The following ATP8A2 variants were observed in gnomAD, a reference collection of about 807,000 sequenced individuals.
The protein encoded by ATP8A2 is phospholipid-transporting ATPase IB.
Under a neutral mutation model 165.6 loss-of-function variants are expected in ATP8A2, and 100 were observed. The ratio of observed to expected loss-of-function variants is 0.60; its 90% CI spans 0.51 to 0.71. The LOEUF is 0.71. Among genes scored for constraint, ATP8A2 ranks in the 30% least tolerant of loss-of-function variants. The pLI is 0.00. For missense variants in ATP8A2, 1,227 were observed against 1,479.5 expected (o/e 0.83, Z 2.80); for synonymous variants, 543 against 548.8 (o/e 0.99, Z 0.15).
rs775553039 is a variant in ATP8A2 at position 25,554,356 on chromosome 13, G to A, written c.1185+436G>A. ...AGGACTGCCATGGCTCTTAAGTAGT[G>A]GACTTTAGCAGCCAGTATTTGTAGA... On this transcript the variant is annotated intron_variant, in intron 12 of 36. Coordinates refer to ENST00000381655, the MANE Select transcript of ATP8A2 (RefSeq NM_016529.6). Among the ~76,000 whole-genome samples the A allele has an allele frequency of 2.0e-5, 3 of 152,126 alleles. 1 individual carries two copies. The highest frequency in any genetic ancestry group is 2.0e-4 in the Admixed American group (3 of 15,278).
In ATP8A2 at chr13:25,372,859, A is replaced by T. The variant is rs2032472820; in HGVS notation, c.76+571A>T. 6.6e-6 allele frequency among the ~76,000 whole-genome samples: 1 copy of T among 152,114 alleles called. No individual in the cohort carries two copies. Among genetic ancestry groups the T allele is most frequent in the Non-Finnish European group, 1.5e-5 (1 of 68,028 alleles). On this transcript the variant is annotated intron_variant, in intron 1 of 36. Transcript: ENST00000381655. This position sits in a 1 kb window ranked among gnomAD's most constrained non-coding sequence, Gnocchi z 4.8. ...CGTGCATACAACCATCTGGAGACGAACACACACACGCACACGCGCGCGCAC... is the reference window on the plus strand; with the variant it reads ...CGTGCATACAACCATCTGGAGACGATCACACACACGCACACGCGCGCGCAC...
At chr13:25,412,379 C>T (rs17082234) in intron 1 of ATP8A2, among the ~76,000 whole-genome samples, 39,619 of 152,038 alleles carry the variant, frequency 0.26, 5,381 homozygotes, top group East Asian at 0.46. Context: ...GGACTGGAGG[C>T]TAAAGGGATT....
chr13:25,700,019 A>G (rs1289587850), intron 25 of ATP8A2, among the ~76,000 whole-genome samples: 1 of 152,152 alleles, frequency 6.6e-6, no homozygotes, highest in African/African-American at 2.4e-5. Flanking sequence ...TGGCTAGTGG[A>G]GCATCAGTAG....
chr13:25,983,293 G>A (rs1197777318), intron 35 of ATP8A2, among the ~76,000 whole-genome samples: 2 of 152,152 alleles, frequency 1.3e-5, no homozygotes, highest in Non-Finnish European at 2.9e-5. Flanking sequence ...AGAAAATGAA[G>A]TAACAACAGC....
chr13:25,883,414 A>G (rs1176664844), intron 33 of ATP8A2, among the ~76,000 whole-genome samples: 4 of 152,152 alleles, frequency 2.6e-5, no homozygotes, highest in Admixed American at 6.5e-5. Context: ...GTGAAACTCC[A>G]TCTCAAAAAA....
intron 24 of ATP8A2, among the ~76,000 whole-genome samples, chr13:25,651,327 C>T (rs1175200099): frequency 6.6e-6 from 1 of 151,946 alleles, no homozygotes; most frequent in Non-Finnish European, 1.5e-5. Context: ...CTTGTAGTCC[C>T]AGCTACTCGG....
chr13:25,560,700 C>CAA lies in ATP8A2; in HGVS notation c.1397+958_1397+959dup, dbSNP rs748751011. On this transcript the variant is annotated intron_variant, in intron 15 of 36. Coordinates refer to ENST00000381655, the MANE Select transcript of ATP8A2 (RefSeq NM_016529.6). The stretch of plus-strand genomic sequence containing the variant: ...GAGTGACAGAGTGAGACTCTTGTCT[C>CAA]AAAAAAAAAAAAAAAAAAAAAAAAG... 2.6e-3 allele frequency among the ~76,000 whole-genome samples: 162 copies of CAA among 63,020 alleles called. 2 individuals are homozygous for CAA. The highest frequency in any genetic ancestry group is 4.5e-3 in the African/African-American group (76 of 16,758). 41.3% of individuals were successfully genotyped at this position (63,020 alleles called of 152,430 possible).
chr13:25,406,780 C>A (rs1379000828), intron 1 of ATP8A2, among the ~76,000 whole-genome samples: 1 of 152,212 alleles, frequency 6.6e-6, no homozygotes, highest in African/African-American at 2.4e-5. Flanking sequence ...TGTTACTCTT[C>A]CCAGAAAATA....
intron 25 of ATP8A2, among the ~76,000 whole-genome samples, chr13:25,744,693 G>A (rs2043991054): frequency 6.6e-6 from 1 of 152,148 alleles, no homozygotes; most frequent in African/African-American, 2.4e-5. Flanking sequence ...AGCCACTGGG[G>A]TGATAGGAAC....
chr13:25,921,346 G>A (rs7335584), intron 33 of ATP8A2, among the ~76,000 whole-genome samples: 37,761 of 151,664 alleles, frequency 0.25, 5,026 homozygotes, highest in African/African-American at 0.34. Context: ...GGCCAGGCAC[G>A]GTGGCTCACA....
intron 33 of ATP8A2, among the ~76,000 whole-genome samples, chr13:25,954,356 G>A (rs1328293759): frequency 2.6e-5 from 4 of 152,236 alleles, no homozygotes; most frequent in African/African-American, 9.6e-5. Context: ...AGCAGCCCCA[G>A]TCAGGGTCTT....
intron 35 of ATP8A2, among the ~76,000 whole-genome samples, chr13:25,993,766 C>G (rs1956440186): frequency 6.6e-6 from 1 of 152,184 alleles, no homozygotes; most frequent in Non-Finnish European, 1.5e-5. Flanking sequence ...GTCTTGAAAT[C>G]AGATACACTG....
Position 25,713,744 on chromosome 13 carries a change from G to A in ATP8A2, c.2384+14399G>A, listed in dbSNP as rs548896376. ...TGAATGAATATTGAGCATATGTGTC[G>A]CAAATATGTTTCCTGACAAACAACG... On this transcript the variant is annotated intron_variant, in intron 25 of 36. Coordinates refer to ENST00000381655, the MANE Select transcript of ATP8A2 (RefSeq NM_016529.6). Among the ~76,000 whole-genome samples, 14 of 152,150 alleles carry A rather than the reference G, an allele frequency of 9.2e-5. No individual in the cohort carries two copies. The East Asian group carries it at 1.9e-3, about 21-fold the overall frequency.
rs1450136966 is a variant in ATP8A2 at position 25,862,285 on chromosome 13, C to T, written c.3076-16C>T. The T allele has an allele frequency of 6.2e-7, 1 of 1,605,894 alleles. No homozygotes were observed. Among genetic ancestry groups the T allele is most frequent in the African/African-American group, 1.3e-5 (1 of 74,828 alleles). On this transcript the variant is annotated splice_polypyrimidine_tract_variant and intron_variant, in intron 32 of 36. Coordinates refer to ENST00000381655, the MANE Select transcript of ATP8A2 (RefSeq NM_016529.6). ...CTGGTCGAGAAGCCTGTCTGAGTGT[C>T]TATTTCCCTCTGCAGTTCAGTCATC...
At chr13:25,376,726 C>A (rs1026436882) in intron 1 of ATP8A2, among the ~76,000 whole-genome samples, 2 of 152,192 alleles carry the variant, frequency 1.3e-5, no homozygotes, top group Admixed American at 6.5e-5. Flanking sequence ...AGGTATTTAT[C>A]CTATGTAATA....
At position 25,861,031 on chromosome 13, in the gene ATP8A2, C is replaced by T. The variant is rs192977420; in HGVS notation, c.3075+171C>T. Among the ~76,000 whole-genome samples the T allele has an allele frequency of 5.9e-4, 90 of 152,212 alleles. 1 individual carries two copies. Among genetic ancestry groups the T allele is most frequent in the African/African-American group, 2.1e-3 (86 of 41,534 alleles). On this transcript the variant is annotated intron_variant, in intron 32 of 36. Transcript: ENST00000381655. ...AGGGTAAATTTGCAATCCAAAGTCT[C>T]TTGGTGATTCATTTGCTTGGCACGT...
rs148620049 is a variant in ATP8A2, at chr13:25,439,109, C to T, written c.77-29868C>T. ...TCTCCCTTAGGAATCCAAAAAGGTG[C>T]TGTGATACAGGGCCACATCCCCCAC... is the stretch of plus-strand genomic sequence containing the variant. On this transcript the variant is annotated intron_variant, in intron 1 of 36. Transcript: ENST00000381655. Among the ~76,000 whole-genome samples, 406 of 152,308 alleles carry T rather than the reference C, an allele frequency of 2.7e-3. 2 individuals are homozygous for T. Among genetic ancestry groups the T allele is most frequent in the African/African-American group, 8.2e-3 (340 of 41,568 alleles).
intron 1 of ATP8A2, among the ~76,000 whole-genome samples, chr13:25,419,447 A>G (rs1213875976): frequency 9.9e-5 from 15 of 152,220 alleles, no homozygotes; most frequent in Admixed American, 9.8e-4. Context: ...TGACCTGGGA[A>G]CTTTCAGGAG....
At chr13:25,928,883 T>C (rs1954687435) in intron 33 of ATP8A2, among the ~76,000 whole-genome samples, 3 of 152,212 alleles carry the variant, frequency 2.0e-5, no homozygotes, top group African/African-American at 7.2e-5. Flanking sequence ...GGAAACGTTC[T>C]GAGACCTGAC....
Sources: gnomAD v4.1 joint callset for allele counts (sites outside exome capture counted in the v4.1 genomes callset) on GRCh38, gnomAD v4.1.1 for gene constraint, Gnocchi (gnomAD v3.1) non-coding constraint, MANE v1.5 for transcripts, NCBI Gene and HGNC (gene_info 2026-07-23, HGNC 2026-07-21) for gene names.